The following FOXP1 variants were observed in gnomAD, a reference collection of about 807,000 sequenced individuals.
FOXP1 encodes the protein forkhead box P1, also known as forkhead box protein P1.
A neutral mutation model predicts 98.2 loss-of-function variants in FOXP1; 15 were observed. The ratio of observed to expected loss-of-function variants is 0.15; its 90% CI spans 0.10 to 0.24. FOXP1 has a LOEUF of 0.24. Among genes scored for constraint, FOXP1 ranks in the 10% least tolerant of loss-of-function variants. The pLI is 1.00. For missense variants in FOXP1, 633 were observed against 848.5 expected (o/e 0.75, Z 3.15); for synonymous variants, 371 against 314.5 (o/e 1.18, Z -1.90).
chr3:71,581,985 G>T, intron 1 of FOXP1: 1 of 953,574 alleles, frequency 1.0e-6, no homozygotes, highest in Non-Finnish European at 1.2e-6. Context: ...GGGAGAAGGG[G>T]GTGGGATGGG....
At chr3:71,475,165 T>TC (rs1483774280) in intron 3 of FOXP1, among the ~76,000 whole-genome samples, 1 of 151,888 alleles carries the variant, frequency 6.6e-6, no homozygotes, top group Non-Finnish European at 1.5e-5. Flanking sequence ...TCCAATGCCA[T>TC]CCCCCAACCC....
At chr3:71,354,279 A>G (rs1364030049) in intron 4 of FOXP1, among the ~76,000 whole-genome samples, 1 of 141,946 alleles carries the variant, frequency 7.0e-6, no homozygotes, top group Admixed American at 7.0e-5. Flanking sequence ...CTCCGTCTCC[A>G]GAAAAAAAAA....
chr3:71,557,694 G>A (rs561391269), intron 2 of FOXP1, among the ~76,000 whole-genome samples: 7 of 152,296 alleles, frequency 4.6e-5, no homozygotes, highest in Middle Eastern at 3.4e-3. Context: ...TTATTCAAAC[G>A]ATGAAAGGGA....
chr3:71,175,756 T>C (rs2061905799), intron 6 of FOXP1, among the ~76,000 whole-genome samples: 1 of 152,240 alleles, frequency 6.6e-6, no homozygotes, highest in African/African-American at 2.4e-5. Context: ...TGTACATAGT[T>C]TGACTTGTAG....
chr3:71,106,773 ATTTTT>A (rs59989388), intron 7 of FOXP1, among the ~76,000 whole-genome samples: 6 of 136,966 alleles, frequency 4.4e-5, no homozygotes, highest in Non-Finnish European at 4.7e-5. Flanking sequence ...TCAAATAGGG[ATTTTT>A]TTTTTTTTTT....
At chr3:71,483,604 T>C (rs1475010227) in intron 3 of FOXP1, among the ~76,000 whole-genome samples, 1 of 152,160 alleles carries the variant, frequency 6.6e-6, no homozygotes, top group East Asian at 1.9e-4. Flanking sequence ...TGTAAATAAA[T>C]TGTACTGGAA....
upstream of FOXP1, chr3:71,583,785 C>A (rs1489031535): frequency 8.1e-6 from 8 of 986,748 alleles, no homozygotes; most frequent in East Asian, 6.8e-4. Context: ...GGACTAGCTT[C>A]CCGGAGCCCA....
At chr3:70,980,420 C>T (rs780381783) in intron 14 of FOXP1, among the ~76,000 whole-genome samples, 2 of 152,156 alleles carry the variant, frequency 1.3e-5, no homozygotes, top group African/African-American at 4.8e-5. Context: ...TTTAAAACCA[C>T]CTGCCACTGT....
rs568661192 is a variant in FOXP1 at position 70,958,420 on chromosome 3, C to T, written c.*827G>A. 725 of 458,988 alleles carry T rather than the reference C, an allele frequency of 1.6e-3. 8 individuals are homozygous for T. Among genetic ancestry groups the T allele is most frequent in the South Asian group, 6.8e-3 (357 of 52,348 alleles). 28.4% of individuals were successfully genotyped at this position (458,988 alleles called of 1,614,324 possible). A position where few individuals can be genotyped will look rare whatever the true frequency, so the allele number is the denominator to read the frequency against. Reference sequence around the variant, plus strand: ...GGGACCTTTTTGAAAAAGACCAAAACGGAATGTTTTCTGACTTTAGAGAAA... The same window carrying T: ...GGGACCTTTTTGAAAAAGACCAAAATGGAATGTTTTCTGACTTTAGAGAAA... On this transcript the variant is annotated 3_prime_UTR_variant, in exon 21 of 21. Transcript: ENST00000649528.
intron 3 of FOXP1, among the ~76,000 whole-genome samples, chr3:71,425,886 G>A (rs1441325056): frequency 6.6e-6 from 1 of 152,140 alleles, no homozygotes; most frequent in Non-Finnish European, 1.5e-5. Context: ...CAAATTTCCA[G>A]GATCCCAACC....
At chr3:71,578,384 G>A (rs888909965) in intron 2 of FOXP1, among the ~76,000 whole-genome samples, 59 of 152,210 alleles carry the variant, frequency 3.9e-4, no homozygotes, top group African/African-American at 1.3e-3. Flanking sequence ...TTTTATTAAC[G>A]TATACCTAAA....
At chr3:71,300,274 A>G (rs1298554412) in intron 4 of FOXP1, among the ~76,000 whole-genome samples, 4 of 152,194 alleles carry the variant, frequency 2.6e-5, no homozygotes, top group African/African-American at 7.2e-5. Context: ...CATTAAAGCA[A>G]AGACTTATTT....
intron 2 of FOXP1, among the ~76,000 whole-genome samples, chr3:71,544,028 C>CACATATATGTGTGTATACACAT (rs1367746566): frequency 3.1e-4 from 47 of 151,674 alleles, no homozygotes; most frequent in African/African-American, 1.0e-3. Context: ...CACATATACA[C>CACATATATGTGTGTATACACAT]ACATATACAC....
chr3:71,274,683 C>T (rs1199799270), intron 5 of FOXP1, among the ~76,000 whole-genome samples: 2 of 152,206 alleles, frequency 1.3e-5, no homozygotes, highest in African/African-American at 4.8e-5. Context: ...TTTAGCATTA[C>T]AGGAGACAAG....
At chr3:71,117,782 T>C (rs2058479160) in intron 6 of FOXP1, among the ~76,000 whole-genome samples, 1 of 152,190 alleles carries the variant, frequency 6.6e-6, no homozygotes, top group South Asian at 2.1e-4. Context: ...ACTTCCTTTA[T>C]AACAGATGTG....
At chr3:71,240,681 A>C (rs926931086) in intron 5 of FOXP1, among the ~76,000 whole-genome samples, 1 of 151,868 alleles carries the variant, frequency 6.6e-6, no homozygotes, top group Admixed American at 6.5e-5. Context: ...AGCTGGGATT[A>C]CAGGCGCGTG....
rs955536725 is a variant in FOXP1 at position 71,144,843 on chromosome 3, C to T, written c.181-32206G>A. On this transcript the variant is annotated intron_variant, in intron 6 of 20. Coordinates refer to ENST00000649528, the MANE Select transcript of FOXP1 (RefSeq NM_001349338.3). ...GCCAACCTGTTGTAATCACACCCTC[C>T]TCACCACCCCTGGCCCCGGGCAACC... 9.8e-5 allele frequency among the ~76,000 whole-genome samples: 15 copies of T among 152,310 alleles called. 1 individual carries two copies. In the South Asian group the frequency reaches 2.3e-3, roughly 23 times the overall value.
intron 3 of FOXP1, among the ~76,000 whole-genome samples, chr3:71,388,170 C>A (rs577287647): frequency 1.3e-5 from 2 of 152,064 alleles, no homozygotes; most frequent in African/African-American, 4.8e-5. Context: ...TTTTAACTGT[C>A]GGCCTTATTT....
chr3:71,117,041 A>T (rs2058422270), intron 6 of FOXP1, among the ~76,000 whole-genome samples: 1 of 152,088 alleles, frequency 6.6e-6, no homozygotes, highest in Admixed American at 6.6e-5. Context: ...ATCAGAACAG[A>T]TTATGTCCTT....
Sources: allele counts gnomAD v4.1 joint callset (sites outside exome capture counted in the v4.1 genomes callset), GRCh38; gene constraint gnomAD v4.1.1; transcripts MANE v1.5; gene names NCBI Gene and HGNC (gene_info 2026-07-23, HGNC 2026-07-21).